Variants in SLC30A8 observed in about 807,000 individuals in gnomAD.
The protein encoded by SLC30A8 is proton-coupled zinc antiporter SLC30A8.
Under a neutral mutation model 36.9 loss-of-function variants are expected in SLC30A8, and 27 were observed. The ratio of observed to expected loss-of-function variants is 0.73; its 90% CI spans 0.54 to 1.01. The LOEUF (loss-of-function observed/expected upper bound fraction) is 1.01, where lower values mean the gene tolerates loss of function less well. SLC30A8 is among the 50% of genes least tolerant of loss of function. The probability of loss-of-function intolerance (pLI) is 0.00; values close to 1 mark genes in which losing one functional copy is unlikely to be tolerated. For missense variants in SLC30A8, 439 were observed against 452.0 expected (o/e 0.97, Z 0.26); for synonymous variants, 164 against 172.4 (o/e 0.95, Z 0.38).
intron 1 of SLC30A8, among the ~76,000 whole-genome samples, chr8:116,979,053 A>T (rs1171034721): frequency 6.6e-6 from 1 of 151,730 alleles, no homozygotes; most frequent in Non-Finnish European, 1.5e-5. Context: ...CCTGGGCAAC[A>T]TGATGAAACC....
At chr8:116,988,358 T>C (rs1158343401) in intron 1 of SLC30A8, among the ~76,000 whole-genome samples, 1 of 151,520 alleles carries the variant, frequency 6.6e-6, no homozygotes, top group African/African-American at 2.4e-5. Flanking sequence ...GCTCAGGCCT[T>C]CTTCTTTCCG....
At chr8:116,952,575 G>A (rs368414352) in intron 1 of SLC30A8, among the ~76,000 whole-genome samples, 7 of 152,060 alleles carry the variant, frequency 4.6e-5, no homozygotes, top group Non-Finnish European at 1.0e-4. Flanking sequence ...CTCCCGAGTA[G>A]CTGGGATTAC....
intron 2 of SLC30A8, among the ~76,000 whole-genome samples, chr8:117,125,825 A>G (rs911176560): frequency 6.6e-6 from 1 of 152,044 alleles, no homozygotes; most frequent in Non-Finnish European, 1.5e-5. Flanking sequence ...TTAAATTTAA[A>G]TAGCACTAGA....
intron 2 of SLC30A8, among the ~76,000 whole-genome samples, chr8:117,109,150 G>A (rs1043012482): frequency 1.3e-5 from 2 of 152,134 alleles, no homozygotes; most frequent in Non-Finnish European, 2.9e-5. Flanking sequence ...GTGGCCAGAG[G>A]GATTGGACAC....
At chr8:117,148,228 T>C (rs1287499595) in intron 2 of SLC30A8, among the ~76,000 whole-genome samples, 1 of 152,152 alleles carries the variant, frequency 6.6e-6, no homozygotes, top group Non-Finnish European at 1.5e-5. Flanking sequence ...TGTTGTTTAA[T>C]TTTTGCATTT....
At chr8:117,068,853 A>C (rs1329876771) in intron 2 of SLC30A8, among the ~76,000 whole-genome samples, 7 of 152,130 alleles carry the variant, frequency 4.6e-5, no homozygotes, top group African/African-American at 1.7e-4. Context: ...CTGGGATTAC[A>C]GGCGCGAGCC....
intron 1 of SLC30A8, among the ~76,000 whole-genome samples, chr8:116,965,325 A>T (rs995082692): frequency 6.6e-5 from 10 of 152,236 alleles, no homozygotes; most frequent in Non-Finnish European, 1.5e-4. Flanking sequence ...AAACTGAAGG[A>T]TAGTTGATTC....
At chr8:117,004,194 C>T (rs1303807620) in intron 1 of SLC30A8, among the ~76,000 whole-genome samples, 2 of 152,174 alleles carry the variant, frequency 1.3e-5, no homozygotes, top group Non-Finnish European at 2.9e-5. Flanking sequence ...TTAATCTGCA[C>T]ATGTTCTCAT....
intron 1 of SLC30A8, among the ~76,000 whole-genome samples, chr8:116,954,250 G>A (rs898893836): frequency 1.3e-5 from 2 of 152,082 alleles, no homozygotes; most frequent in African/African-American, 4.8e-5. Context: ...AGACATGAGA[G>A]TTCAGTTTTG....
intron 1 of SLC30A8, among the ~76,000 whole-genome samples, chr8:116,998,565 C>G (rs776622702): frequency 4.6e-5 from 7 of 152,094 alleles, no homozygotes; most frequent in Non-Finnish European, 8.8e-5. Flanking sequence ...CATGGCTGCT[C>G]AGAATCTCAG....
intron 2 of SLC30A8, among the ~76,000 whole-genome samples, chr8:117,064,679 G>T (rs903836046): frequency 6.6e-6 from 1 of 152,218 alleles, no homozygotes; most frequent in Non-Finnish European, 1.5e-5. Flanking sequence ...TTATCTCAGT[G>T]ATCAGGGGAC....
intron 3 of SLC30A8, among the ~76,000 whole-genome samples, chr8:117,154,430 T>TGGCCAGCCTTCACTGAAAGGGC (rs1822367838): frequency 6.6e-6 from 1 of 152,190 alleles, no homozygotes; most frequent in African/African-American, 2.4e-5. Context: ...TGAGCAAGGG[T>TGGCCAGCCTTCACTGAAAGGGC]GGCCAGCCTT....
intron 1 of SLC30A8, among the ~76,000 whole-genome samples, chr8:117,014,743 G>A (rs1563748414): frequency 6.6e-6 from 1 of 152,238 alleles, no homozygotes; most frequent in Middle Eastern, 3.4e-3. Context: ...CTGCCCCTGG[G>A]AAATGAGATG....
intron 2 of SLC30A8, among the ~76,000 whole-genome samples, chr8:117,111,193 T>C (rs1170775275): frequency 6.6e-6 from 1 of 152,190 alleles, no homozygotes; most frequent in Admixed American, 6.5e-5. Flanking sequence ...AAGCTAAATA[T>C]TTAATAAACA....
At chr8:117,145,296 C>T (rs951465206) in intron 1 of SLC30A8, among the ~76,000 whole-genome samples, 4 of 151,958 alleles carry the variant, frequency 2.6e-5, no homozygotes, top group Admixed American at 6.6e-5. Flanking sequence ...CAAAGCTACA[C>T]AATAAAATAT....
At chr8:116,981,533 C>T (rs563723714) in intron 1 of SLC30A8, among the ~76,000 whole-genome samples, 37 of 152,244 alleles carry the variant, frequency 2.4e-4, no homozygotes, top group Admixed American at 2.2e-3. Flanking sequence ...AGCATAGCAC[C>T]TGTTAGGTAG....
intron 4 of SLC30A8, among the ~76,000 whole-genome samples, chr8:117,159,930 T>C (rs1220062711): frequency 6.6e-6 from 1 of 152,222 alleles, no homozygotes; most frequent in African/African-American, 2.4e-5. Flanking sequence ...CTTTTGAACA[T>C]TGACCTTAAC....
At chr8:117,116,143 T>C (rs1324008546) in intron 2 of SLC30A8, among the ~76,000 whole-genome samples, 1 of 151,992 alleles carries the variant, frequency 6.6e-6, no homozygotes, top group African/African-American at 2.4e-5. Context: ...TTGCTGTGTT[T>C]GGGCAAGGTA....
chr8:116,968,322 A>G (rs1349780440), intron 1 of SLC30A8, among the ~76,000 whole-genome samples: 1 of 150,168 alleles, frequency 6.7e-6, no homozygotes, highest in Non-Finnish European at 1.5e-5. Flanking sequence ...CTATAATAAT[A>G]TATAGTATAG....
Sources: allele counts gnomAD v4.1 joint callset (sites outside exome capture counted in the v4.1 genomes callset), GRCh38; gene constraint gnomAD v4.1.1; transcripts MANE v1.5; gene names NCBI Gene and HGNC (gene_info 2026-07-23, HGNC 2026-07-21).